The following DLEU7 variants were observed in gnomAD, a reference collection of about 807,000 sequenced individuals.
DLEU7 encodes deleted in lymphocytic leukemia 7.
DLEU7 carries 17 observed loss-of-function variants against 16.0 expected under a neutral mutation model. The observed-to-expected ratio is 1.06, with a 90% CI of 0.73 to 1.59. The LOEUF (loss-of-function observed/expected upper bound fraction) is 1.59, where lower values mean the gene tolerates loss of function less well. Among genes scored for constraint, DLEU7 ranks in the 40% most tolerant of loss-of-function variants. The pLI, the probability that DLEU7 is intolerant of heterozygous loss-of-function variation, is 0.00. For synonymous variants in DLEU7, 113 were observed against 139.8 expected (o/e 0.81, Z 1.35); for missense variants, 308 against 314.9 (o/e 0.98, Z 0.17).
chr13:50,717,030 GAT>G (rs1385428326), intron 1 of DLEU7, among the ~76,000 whole-genome samples: 1 of 152,112 alleles, frequency 6.6e-6, no homozygotes, highest in Admixed American at 6.5e-5. Context: ...AAAGAAAAAA[GAT>G]ATATTTATTC....
chr13:50,799,007 C>A (rs1369953631), intron 1 of DLEU7, among the ~76,000 whole-genome samples: 3 of 152,306 alleles, frequency 2.0e-5, no homozygotes, highest in South Asian at 4.1e-4. Context: ...AAGTGAGGAT[C>A]TTTGCTCCGA....
chr13:50,782,100 G>A (rs960505746), intron 1 of DLEU7, among the ~76,000 whole-genome samples: 1 of 152,136 alleles, frequency 6.6e-6, no homozygotes, highest in Non-Finnish European at 1.5e-5. Flanking sequence ...TATATTTCAA[G>A]AAGCCTTTCT....
intron 1 of DLEU7, among the ~76,000 whole-genome samples, chr13:50,721,891 A>G (rs1334501744): frequency 6.6e-6 from 1 of 152,188 alleles, no homozygotes; most frequent in East Asian, 1.9e-4. Context: ...TTTTAAAGAG[A>G]TTTATATCAG....
chr13:50,781,183 T>G (rs529203651), intron 1 of DLEU7, among the ~76,000 whole-genome samples: 1 of 152,354 alleles, frequency 6.6e-6, no homozygotes, highest in South Asian at 2.1e-4. Context: ...CACTCAGTAA[T>G]TGTTGAGAAT....
intron 1 of DLEU7, among the ~76,000 whole-genome samples, chr13:50,783,232 C>A (rs1381130068): frequency 6.6e-6 from 1 of 152,178 alleles, no homozygotes; most frequent in Non-Finnish European, 1.5e-5. Context: ...ATTGGTTTCT[C>A]CCTTCCCTAT....
At chr13:50,732,957 A>C (rs946279775) in intron 1 of DLEU7, among the ~76,000 whole-genome samples, 3 of 152,164 alleles carry the variant, frequency 2.0e-5, no homozygotes, top group Admixed American at 1.3e-4. Flanking sequence ...TGATGTCCTG[A>C]GGGCATCAGA....
intron 1 of DLEU7, among the ~76,000 whole-genome samples, chr13:50,761,697 G>T (rs1411480182): frequency 6.6e-6 from 1 of 152,014 alleles, no homozygotes. Context: ...TGAATCATGG[G>T]CCCCAATCTG....
intron 1 of DLEU7, among the ~76,000 whole-genome samples, chr13:50,815,231 A>G (rs1393385913): frequency 6.6e-6 from 1 of 152,130 alleles, no homozygotes; most frequent in Admixed American, 6.6e-5. Context: ...AATGCATAGA[A>G]GTCCATTTGG....
intron 1 of DLEU7, among the ~76,000 whole-genome samples, chr13:50,785,052 CTG>C (rs1875762162): frequency 6.6e-6 from 1 of 152,160 alleles, no homozygotes; most frequent in Non-Finnish European, 1.5e-5. Flanking sequence ...AGTGCCATGA[CTG>C]TTGGTCCTGT....
intron 1 of DLEU7, among the ~76,000 whole-genome samples, chr13:50,803,649 G>A (rs1020588004): frequency 7.9e-5 from 12 of 151,992 alleles, no homozygotes; most frequent in Admixed American, 7.9e-4. Flanking sequence ...TTTTTGATAT[G>A]ACAAATTAAA....
intron 1 of DLEU7, among the ~76,000 whole-genome samples, chr13:50,727,044 G>T (rs917553767): frequency 6.6e-6 from 1 of 152,156 alleles, no homozygotes; most frequent in African/African-American, 2.4e-5. Context: ...GCCCAGCAAT[G>T]TGAGACAAAA....
chr13:50,780,007 T>C (rs900551488), intron 1 of DLEU7, among the ~76,000 whole-genome samples: 4 of 152,048 alleles, frequency 2.6e-5, no homozygotes, highest in African/African-American at 9.7e-5. Context: ...CAGAGATTAA[T>C]GTGTTATCAT....
intron 1 of DLEU7, among the ~76,000 whole-genome samples, chr13:50,737,543 A>G (rs1323802310): frequency 6.6e-6 from 1 of 152,106 alleles, no homozygotes; most frequent in Non-Finnish European, 1.5e-5. Context: ...TTTAATTATT[A>G]TTATATCTAT....
chr13:50,817,610 C>A (rs1876770724), intron 1 of DLEU7, among the ~76,000 whole-genome samples: 2 of 152,146 alleles, frequency 1.3e-5, no homozygotes, highest in South Asian at 4.1e-4. Flanking sequence ...GCATGAGGAT[C>A]TGGCACCAGA....
exon 2 of DLEU7, chr13:50,713,161 C>T: frequency 1.9e-6 from 3 of 1,594,156 alleles, no homozygotes; most frequent in Non-Finnish European, 2.6e-6. Context: ...GAATTTGGCA[C>T]TGGTTATTGA....
At chr13:50,824,522 T>A (rs1293813280) in intron 1 of DLEU7, among the ~76,000 whole-genome samples, 1 of 152,154 alleles carries the variant, frequency 6.6e-6, no homozygotes, top group Non-Finnish European at 1.5e-5. Flanking sequence ...AAGCCAAAAA[T>A]TTTTTAAAGA....
intron 1 of DLEU7, among the ~76,000 whole-genome samples, chr13:50,783,769 G>A (rs1875722028): frequency 6.6e-6 from 1 of 152,124 alleles, no homozygotes; most frequent in South Asian, 2.1e-4. Context: ...GCTGAGGTGA[G>A]TCCTCTGAAA....
At chr13:50,773,975 G>A (rs186752978) in intron 1 of DLEU7, among the ~76,000 whole-genome samples, 26 of 152,274 alleles carry the variant, frequency 1.7e-4, no homozygotes, top group African/African-American at 5.3e-4. Context: ...CAGCAATGGC[G>A]GACGCCCCTC....
intron 1 of DLEU7, among the ~76,000 whole-genome samples, chr13:50,733,931 C>G (rs569624193): frequency 6.6e-6 from 1 of 152,146 alleles, no homozygotes; most frequent in African/African-American, 2.4e-5. Flanking sequence ...TCTGGGATTC[C>G]GACTCTGATA....
Sources: gnomAD v4.1 joint callset for allele counts (sites outside exome capture counted in the v4.1 genomes callset) on GRCh38, gnomAD v4.1.1 for gene constraint, MANE v1.5 for transcripts, NCBI Gene and HGNC (gene_info 2026-07-23, HGNC 2026-07-21) for gene names.